Variants in RIMBP2 observed in about 807,000 individuals in gnomAD.
RIMBP2 encodes the protein RIMS-binding protein 2.
A neutral mutation model predicts 118.6 loss-of-function variants in RIMBP2; 48 were observed. The ratio of observed to expected loss-of-function variants is 0.40; its 90% CI spans 0.32 to 0.51. The LOEUF is 0.51. RIMBP2 is among the 20% of genes least tolerant of loss of function. The pLI, the probability that RIMBP2 is intolerant of heterozygous loss-of-function variation, is 0.41. For missense variants in RIMBP2, 1,551 were observed against 1,768.3 expected, an observed-to-expected ratio of 0.88 and a Z score of 2.20; for synonymous variants, 762 against 742.9, an observed-to-expected ratio of 1.03 and a Z score of -0.42.
At position 130,437,183 on chromosome 12, in the gene RIMBP2, C is replaced by T. The variant is rs760670273; in HGVS notation, c.1765G>A (p.Glu589Lys). The T allele has an allele frequency of 7.6e-6, 12 of 1,586,266 alleles. No homozygotes were observed. The highest frequency in any genetic ancestry group is 1.1e-5 in the South Asian group (1 of 87,712). ...VTVRTLSAQGESVDSAVAAVP... is the reference protein window; with the variant it reads ...VTVRTLSAQGKSVDSAVAAVP... ...GCAGCAACTGCAGAGTCCACGGACT[C>T]GCCCTGGGCGGAGAGGGTCCGCACG... Residue 589 changes from glutamate to lysine, a missense_variant, in exon 13 of 23, where the codon GAG (glutamate) becomes AAG (lysine). Glu to Lys is a moderately conservative substitution (Grantham distance 56). Transcript: ENST00000690449.
At chr12:130,564,662 A>G (rs1225558837) in intron 2 of RIMBP2, among the ~76,000 whole-genome samples, 2 of 152,230 alleles carry the variant, frequency 1.3e-5, no homozygotes, top group African/African-American at 4.8e-5. Context: ...GCAGAAGGAC[A>G]AATACTGTAA....
chr12:130,526,706 A>T (rs1190107793), intron 2 of RIMBP2, among the ~76,000 whole-genome samples: 2 of 152,224 alleles, frequency 1.3e-5, no homozygotes, highest in African/African-American at 2.4e-5. Flanking sequence ...TAACCATATT[A>T]TGCTCAAACA....
chr12:130,566,409 G>C (rs1258309634), intron 2 of RIMBP2, among the ~76,000 whole-genome samples: 1 of 152,218 alleles, frequency 6.6e-6, no homozygotes, highest in Non-Finnish European at 1.5e-5. Flanking sequence ...AAACTTAGTG[G>C]CTCACTTCTA....
At chr12:130,704,158 G>C (rs931900105) in intron 1 of RIMBP2, among the ~76,000 whole-genome samples, 2 of 152,176 alleles carry the variant, frequency 1.3e-5, no homozygotes, top group Non-Finnish European at 2.9e-5. Context: ...GGAGGACAGA[G>C]GAAGTGCAGG....
rs775222181 is a variant in RIMBP2 at position 130,442,210 on chromosome 12, T to C, written c.1142A>G (p.Tyr381Cys). The C allele has an allele frequency of 6.2e-7, 1 of 1,614,114 alleles. No homozygotes were observed. The change falls in exon 11 of 23, where the codon TAC becomes TGC. Residue 381 changes from tyrosine to cysteine, a missense_variant. Physicochemically the swap from Tyr to Cys is radical, Grantham distance 194. Transcript: ENST00000690449. This position sits in a 1 kb window ranked among gnomAD's most constrained non-coding sequence, Gnocchi z 6.9. ...GGTGACGCACTGCACGGAGATGCGG[T>C]AGGTGCAGGCTGCCATGTTGAGCTT... ...IEKLNMAACT[Y>C]RISVQCVTSR...
At chr12:130,625,277 G>T (rs968963249) in intron 2 of RIMBP2, among the ~76,000 whole-genome samples, 1 of 152,198 alleles carries the variant, frequency 6.6e-6, no homozygotes, top group Admixed American at 6.5e-5. Flanking sequence ...ACTCAGATCT[G>T]TGAATAAGCA....
chr12:130,505,295 T>C (rs1267090734), intron 4 of RIMBP2, among the ~76,000 whole-genome samples: 1 of 152,120 alleles, frequency 6.6e-6, no homozygotes, highest in African/African-American at 2.4e-5. Flanking sequence ...ATCATTCTTT[T>C]CTAATTGAGA....
At position 130,683,267 on chromosome 12, in the gene RIMBP2, A is replaced by G. The variant is rs12582157; in HGVS notation, c.-352+32955T>C. On this transcript the variant is annotated intron_variant, in intron 1 of 22. Coordinates refer to ENST00000690449, the MANE Select transcript of RIMBP2 (RefSeq NM_001393629.1). The surrounding 1 kb of genome is among the most constrained non-coding windows in gnomAD (Gnocchi z 4.4). ...CCAGAGGTCGGAGTGATGTGGCCAC[A>G]AGCCCAAGGATGCCAAGGACAGCCG... Among the ~76,000 whole-genome samples, 55,696 of 152,052 alleles carry G rather than the reference A, an allele frequency of 0.37. 12,745 individuals carry two copies. Among genetic ancestry groups the G allele is most frequent in the African/African-American group, 0.65 (26,967 of 41,448 alleles).
At chr12:130,605,734 C>T (rs995123295) in intron 2 of RIMBP2, among the ~76,000 whole-genome samples, 4 of 152,070 alleles carry the variant, frequency 2.6e-5, no homozygotes, top group African/African-American at 9.7e-5. Flanking sequence ...GCTATTCTTG[C>T]CATTTCAAGG....
intron 14 of RIMBP2, chr12:130,432,252 T>C: frequency 2.2e-6 from 1 of 456,548 alleles, no homozygotes; most frequent in Non-Finnish European, 4.4e-6. Context: ...TCAATCTAAT[T>C]CCAGCTCTGT....
intron 7 of RIMBP2, among the ~76,000 whole-genome samples, chr12:130,453,052 T>C (rs2137421088): frequency 1.3e-5 from 2 of 152,146 alleles, no homozygotes; most frequent in East Asian, 3.9e-4. Flanking sequence ...TGGTAATGCT[T>C]CAAAATACGT....
At chr12:130,638,202 C>T (rs944460737) in intron 1 of RIMBP2, among the ~76,000 whole-genome samples, 1 of 152,092 alleles carries the variant, frequency 6.6e-6, no homozygotes, top group Non-Finnish European at 1.5e-5. Flanking sequence ...GAATAGACAC[C>T]GATTAAGTTC....
At chr12:130,671,593 T>A (rs2064199384) in intron 1 of RIMBP2, among the ~76,000 whole-genome samples, 1 of 152,080 alleles carries the variant, frequency 6.6e-6, no homozygotes, top group South Asian at 2.1e-4. Context: ...GGTTGCTCAG[T>A]CTCAACACTG....
At chr12:130,611,984 C>T (rs947496829) in intron 2 of RIMBP2, among the ~76,000 whole-genome samples, 1 of 152,216 alleles carries the variant, frequency 6.6e-6, no homozygotes, top group African/African-American at 2.4e-5. Context: ...CTCTGAGAAG[C>T]ATGTCCTGGA....
chr12:130,656,244 C>T (rs1397596853), intron 1 of RIMBP2, among the ~76,000 whole-genome samples: 1 of 152,132 alleles, frequency 6.6e-6, no homozygotes, highest in Non-Finnish European at 1.5e-5. Flanking sequence ...ACAAGGGAGC[C>T]ATCTGAGAGG....
At chr12:130,691,298 A>C (rs11061085) in intron 1 of RIMBP2, among the ~76,000 whole-genome samples, 5,826 of 152,256 alleles carry the variant, frequency 0.038, 378 homozygotes, top group African/African-American at 0.13. Flanking sequence ...AACCCGAGGA[A>C]TGTGTGCTCA....
chr12:130,713,235 A>AAGGAAGGAAGGAAGAT (rs1950073725), intron 1 of RIMBP2, among the ~76,000 whole-genome samples: 2 of 147,526 alleles, frequency 1.4e-5, no homozygotes, highest in African/African-American at 5.0e-5. Flanking sequence ...GGAAGGAAGG[A>AAGGAAGGAAGGAAGAT]AGGAAGGAAG....
At chr12:130,465,305 G>A (rs2080362466) in intron 6 of RIMBP2, 2 of 152,278 alleles carry the variant, frequency 1.3e-5, no homozygotes, top group Admixed American at 6.5e-5. Context: ...CCTCGCTCCA[G>A]GAGGAGACAC....
chr12:130,438,334 A>ATCCGGGGGGGCCCCCCC, intron 12 of RIMBP2, 31 bp downstream of exon 12: 1 of 1,344,516 alleles, frequency 7.4e-7, no homozygotes, highest in Non-Finnish European at 1.1e-6. Context: ...GGGCCTAACA[A>ATCCGGGGGGGCCCCCCC]ACCCTCCCCA....
Sources: gnomAD v4.1 joint callset for allele counts (sites outside exome capture counted in the v4.1 genomes callset) on GRCh38, gnomAD v4.1.1 for gene constraint, Gnocchi (gnomAD v3.1) non-coding constraint, MANE v1.5 for transcripts, NCBI Gene and HGNC (gene_info 2026-07-23, HGNC 2026-07-21) for gene names.